The following DENND5A variants were observed in gnomAD, a reference collection of about 807,000 sequenced individuals.
DENND5A encodes DENN domain-containing protein 5A.
Under a neutral mutation model 140.3 loss-of-function variants are expected in DENND5A, and 64 were observed. That is an observed-to-expected ratio of 0.46 (90% confidence interval 0.37 to 0.56). The LOEUF is 0.56. Ranked by LOEUF, DENND5A falls within the 20% of genes least tolerant of loss-of-function variation. DENND5A has a pLI of 0.00. For synonymous variants in DENND5A, 605 were observed against 607.7 expected (o/e 1.00, Z 0.07); for missense variants, 1,292 against 1,593.8 (o/e 0.81, Z 3.22).
At chr11:9,209,323 T>C (rs1018567453) in intron 1 of DENND5A, among the ~76,000 whole-genome samples, 36 of 152,080 alleles carry the variant, frequency 2.4e-4, no homozygotes, top group African/African-American at 8.0e-4. Context: ...TGTGAGAAGA[T>C]AGGAAAGCTG....
At chr11:9,256,370 G>C (rs1399473778) in intron 1 of DENND5A, among the ~76,000 whole-genome samples, 1 of 151,934 alleles carries the variant, frequency 6.6e-6, no homozygotes, top group Non-Finnish European at 1.5e-5. Flanking sequence ...TGAGGCAGGA[G>C]AATCACTTGA....
At chr11:9,206,574 T>C in intron 3 of DENND5A, 99 bp downstream of exon 3, 1 of 835,198 alleles carries the variant, frequency 1.2e-6, no homozygotes, top group South Asian at 1.4e-5. Flanking sequence ...CAAAAGTTAT[T>C]GGTATTTGGT....
At position 9,143,437 on chromosome 11, in the gene DENND5A, C is replaced by T. The variant is rs1308370183; in HGVS notation, c.3353G>A (p.Gly1118Asp). 1.2e-6 allele frequency: 2 copies of T among 1,614,100 alleles called. No homozygotes were observed. Among genetic ancestry groups the T allele is most frequent in the Non-Finnish European group, 1.7e-6 (2 of 1,180,036 alleles). Reference protein sequence around the residue: ...IQESIGEAVNGIVKHFHKPEK... With the variant: ...IQESIGEAVNDIVKHFHKPEK... ...AGGCTTATGGAAGTGCTTCACAATGCCATTGACTGCCTCCCCGATGGACTC... is the reference window on the plus strand; with the variant it reads ...AGGCTTATGGAAGTGCTTCACAATGTCATTGACTGCCTCCCCGATGGACTC... Residue 1118 changes from glycine (G) to aspartate (D), a missense_variant, in exon 20 of 23, where the codon GGC becomes GAC. Transcript: ENST00000328194.
rs1340925529 is a variant in DENND5A, at chr11:9,145,802, G to A, written c.2871C>T (p.His957=). The A allele has an allele frequency of 6.2e-7, 1 of 1,614,216 alleles. No homozygotes were observed. Among genetic ancestry groups the A allele is most frequent in the Admixed American group, 1.7e-5 (1 of 60,024 alleles). The part of the protein sequence containing the change: ...NVFTTILIPY[H]ILIVPSKKLG... The stretch of plus-strand genomic sequence containing the variant: ...GCTTCTTGCTTGGTACGATCAGAAT[G>A]TGGTACGGGATCACTGTTTAGGGGA... The change falls in exon 17 of 23, where the codon CAC becomes CAT. Residue 957 remains histidine (H), a synonymous_variant. Coordinates refer to ENST00000328194, the MANE Select transcript of DENND5A (RefSeq NM_015213.4).
chr11:9,248,010 C>T (rs753620167), intron 1 of DENND5A, among the ~76,000 whole-genome samples: 1 of 152,138 alleles, frequency 6.6e-6, no homozygotes, highest in Non-Finnish European at 1.5e-5. Flanking sequence ...GTTTTTGAGA[C>T]AGGATCTTGC....
chr11:9,141,135 T>C (rs1297465070), intron 22 of DENND5A, among the ~76,000 whole-genome samples: 2 of 151,880 alleles, frequency 1.3e-5, no homozygotes, highest in African/African-American at 4.8e-5. Flanking sequence ...TCAAAATAAA[T>C]AAATAAATAA....
chr11:9,226,920 G>C lies in DENND5A; in HGVS notation c.110-19288C>G, dbSNP rs374893726. Among the ~76,000 whole-genome samples the C allele has an allele frequency of 7.2e-5, 11 of 152,222 alleles. No homozygotes were observed. In the East Asian group the frequency reaches 1.9e-3, roughly 27 times the overall value. ...GTGGTGACTCACACCTGTAATCCCA[G>C]CACTTTGGGAGGCCAAGGCGGGCAG... is the stretch of plus-strand genomic sequence containing the variant. On this transcript the variant is annotated intron_variant, in intron 1 of 22. Coordinates refer to ENST00000328194, the MANE Select transcript of DENND5A (RefSeq NM_015213.4).
At chr11:9,205,647 C>A (rs567435410) in intron 3 of DENND5A, among the ~76,000 whole-genome samples, 1 of 152,268 alleles carries the variant, frequency 6.6e-6, no homozygotes, top group South Asian at 2.1e-4. Flanking sequence ...AGTCGCAGCA[C>A]TTTGGGAGGT....
intron 8 of DENND5A, chr11:9,171,471 G>C (rs1200158334): frequency 6.6e-6 from 1 of 152,180 alleles, no homozygotes; most frequent in African/African-American, 2.4e-5. Flanking sequence ...TTATTTCTAA[G>C]TAACTTAACT....
chr11:9,228,994 T>C (rs1217418943), intron 1 of DENND5A, among the ~76,000 whole-genome samples: 1 of 152,206 alleles, frequency 6.6e-6, no homozygotes, highest in Non-Finnish European at 1.5e-5. Context: ...CCCTGACTTA[T>C]AGCAGGTTGG....
chr11:9,214,841 G>A (rs12281722), intron 1 of DENND5A, among the ~76,000 whole-genome samples: 3,881 of 152,150 alleles, frequency 0.026, 183 homozygotes, highest in African/African-American at 0.087. Flanking sequence ...CTCCTGCCTC[G>A]GCCTCCCAAC....
chr11:9,252,312 AAAG>A lies in DENND5A; in HGVS notation c.109+12646_109+12648del, dbSNP rs1274630616. Among the ~76,000 whole-genome samples the A allele has an allele frequency of 7.3e-5, 11 of 150,174 alleles. 1 individual carries two copies. The highest frequency in any genetic ancestry group is 2.0e-4 in the Admixed American group (3 of 14,992). ...CTCCGTCTCAAAAAAAAAAAAAAAA[AAAG>A]AACTAAATATAAAAATCTGGCCGTA... On this transcript the variant is annotated intron_variant, in intron 1 of 22. Coordinates refer to ENST00000328194, the MANE Select transcript of DENND5A (RefSeq NM_015213.4).
intron 4 of DENND5A, among the ~76,000 whole-genome samples, chr11:9,202,953 C>A (rs967354870): frequency 1.3e-4 from 20 of 152,274 alleles, no homozygotes; most frequent in Admixed American, 3.3e-4. Flanking sequence ...TTACAAACTA[C>A]ATATTTTATA....
At chr11:9,208,045 T>C (rs1564916236) in intron 1 of DENND5A, among the ~76,000 whole-genome samples, 1 of 152,180 alleles carries the variant, frequency 6.6e-6, no homozygotes, top group South Asian at 2.1e-4. Context: ...ATTAAATGCA[T>C]ATAAACAGTT....
intron 14 of DENND5A, 90 bp downstream of exon 14, chr11:9,150,590 G>GC (rs1847582988): frequency 2.4e-6 from 2 of 826,672 alleles, no homozygotes; most frequent in East Asian, 5.0e-5. Context: ...TGCTGTAGCA[G>GC]CCACTGAGAC....
In DENND5A at chr11:9,147,067, G is replaced by A. The variant is rs568405118; in HGVS notation, c.2820C>T (p.Val940=). The change falls in exon 16 of 23, where the codon GTC becomes GTT. Residue 940 remains valine (V), a synonymous_variant. Coordinates refer to ENST00000328194, the MANE Select transcript of DENND5A (RefSeq NM_015213.4). ...AGACATTGGTGAAGCAAAAGTAATC[G>A]ACGGCATTGAAAGACAGGAGGTGAT... The part of the protein sequence containing the change: ...FLYHLLSFNA[V]DYFCFTNVFT... 61 of 1,614,158 alleles carry A rather than the reference G, an allele frequency of 3.8e-5. No homozygotes were observed. The Middle Eastern group carries it at 6.6e-4, about 17-fold the overall frequency.
intron 4 of DENND5A, among the ~76,000 whole-genome samples, chr11:9,198,069 G>A (rs894225069): frequency 2.0e-5 from 3 of 152,190 alleles, no homozygotes; most frequent in Non-Finnish European, 4.4e-5. Context: ...ATTATACAAC[G>A]TAACCAAATA....
At chr11:9,180,272 T>C (rs1428191275) in intron 6 of DENND5A, among the ~76,000 whole-genome samples, 1 of 151,528 alleles carries the variant, frequency 6.6e-6, no homozygotes, top group Non-Finnish European at 1.5e-5. Context: ...AGCAACATAG[T>C]GAGACCCTGC....
rs185479271 is a variant in DENND5A, at chr11:9,222,012, C to T, written c.110-14380G>A. 3.4e-3 allele frequency among the ~76,000 whole-genome samples: 523 copies of T among 152,212 alleles called. 2 individuals are homozygous for T. The highest frequency in any genetic ancestry group is 0.012 in the African/African-American group (498 of 41,540). ...GACCTCATGATCCGCCCACCTTGGC[C>T]TCCCAAAGTGCTGGGATTACAGGCG... is the stretch of plus-strand genomic sequence containing the variant. On this transcript the variant is annotated intron_variant, in intron 1 of 22. Coordinates refer to ENST00000328194, the MANE Select transcript of DENND5A (RefSeq NM_015213.4).
Sources: allele counts gnomAD v4.1 joint callset (sites outside exome capture counted in the v4.1 genomes callset), GRCh38; gene constraint gnomAD v4.1.1; transcripts MANE v1.5; gene names NCBI Gene and HGNC (gene_info 2026-07-23, HGNC 2026-07-21).